Variants in CCDC88A observed in about 807,000 individuals in gnomAD.
The protein encoded by CCDC88A is girdin.
In CCDC88A, 54 loss-of-function variants were observed where a neutral mutation model predicts 234.3. The observed-to-expected ratio is 0.23, with a 90% CI of 0.19 to 0.29. The LOEUF (loss-of-function observed/expected upper bound fraction) is 0.29. CCDC88A is among the 10% of genes least tolerant of loss of function. The probability of loss-of-function intolerance (pLI) is 1.00; values close to 1 mark genes in which losing one functional copy is unlikely to be tolerated. For missense variants in CCDC88A, 1,832 were observed against 2,123.4 expected, an observed-to-expected ratio of 0.86 and a Z score of 2.70; for synonymous variants, 753 against 737.8, an observed-to-expected ratio of 1.02 and a Z score of -0.33.
chr2:55,301,211 A>T lies in CCDC88A; in HGVS notation c.4739T>A (p.Val1580Asp). 6.3e-7 allele frequency: 1 copy of T among 1,575,302 alleles called. No individual in the cohort carries two copies. Among genetic ancestry groups the T allele is most frequent in the Non-Finnish European group, 8.7e-7 (1 of 1,148,490 alleles). Residue 1580 changes from valine (V) to aspartate (D), a missense_variant, in exon 28 of 33, where the codon GTT becomes GAT. By Grantham distance (152) the Val-to-Asp change is radical. This residue lies in a region of CCDC88A where 422 missense variants were observed against 416.5 expected (regional missense o/e 1.01). Transcript: ENST00000436346. ...VSDDSSTGSR[V>D]HASRPASLDS... Reference sequence around the variant, plus strand: ...AATAAGGTTCATTATCTTACCATGAACTCTTGATCCCGTACTAGAATCATC... The same window carrying T: ...AATAAGGTTCATTATCTTACCATGATCTCTTGATCCCGTACTAGAATCATC...
At chr2:55,329,686 G>C (rs570649498) in intron 16 of CCDC88A, 2 of 152,160 alleles carry the variant, frequency 1.3e-5, no homozygotes, top group Non-Finnish European at 2.9e-5. Context: ...CAACCATATT[G>C]AAAGAGAAGA....
At position 55,411,798 on chromosome 2, in the gene CCDC88A, A is replaced by AAAAAC. The variant is rs1680540833; in HGVS notation, c.164+7017_164+7018insGTTTT. 8.5e-4 allele frequency among the ~76,000 whole-genome samples: 103 copies of AAAAAC among 120,544 alleles called. 5 individuals carry two copies. Among genetic ancestry groups the AAAAAC allele is most frequent in the African/African-American group, 9.5e-4 (30 of 31,434 alleles). The allele number at this position is 120,544 out of a possible 152,430, so 79.1% of individuals were successfully genotyped here. The stretch of plus-strand genomic sequence containing the variant: ...CCGTCTCAAAAAAAAAAAAAAAAAA[A>AAAAAC]AAAAACTCAACATATTGGACAGGAA... On this transcript the variant is annotated intron_variant, in intron 2 of 32. Transcript: ENST00000436346.
intron 17 of CCDC88A, among the ~76,000 whole-genome samples, chr2:55,325,703 G>A (rs765039455): frequency 3.3e-5 from 5 of 152,320 alleles, no homozygotes; most frequent in South Asian, 4.1e-4. Flanking sequence ...ATTGAGAGAT[G>A]AGTATTGAAC....
chr2:55,395,829 T>C (rs749622321), intron 2 of CCDC88A, among the ~76,000 whole-genome samples: 5 of 152,192 alleles, frequency 3.3e-5, no homozygotes, highest in Non-Finnish European at 7.3e-5. Context: ...TTTATGCTTA[T>C]TGCAAGAAAA....
intron 5 of CCDC88A, among the ~76,000 whole-genome samples, chr2:55,364,678 T>C (rs934159732): frequency 6.6e-6 from 1 of 152,072 alleles, no homozygotes; most frequent in Non-Finnish European, 1.5e-5. Context: ...CGTAACCAAA[T>C]GGAATAAAGG....
chr2:55,411,291 A>AAT (rs1259346901), intron 2 of CCDC88A, among the ~76,000 whole-genome samples: 1 of 152,158 alleles, frequency 6.6e-6, no homozygotes, highest in Non-Finnish European at 1.5e-5. Flanking sequence ...AGTCTCCCAT[A>AAT]ATATATATTA....
chr2:55,355,523 T>G (rs1029695728), intron 8 of CCDC88A, 56 bp downstream of exon 8: 1 of 1,414,548 alleles, frequency 7.1e-7, no homozygotes, highest in Non-Finnish European at 1.0e-6. Context: ...AAAATATTGT[T>G]TAGGTCACCT....
chr2:55,407,595 ACT>A (rs1277327345), intron 2 of CCDC88A, among the ~76,000 whole-genome samples: 3 of 151,838 alleles, frequency 2.0e-5, no homozygotes, highest in Admixed American at 2.0e-4. Flanking sequence ...ACAGAGCAAG[ACT>A]CTGTCTCAAA....
At chr2:55,336,585 T>TA in intron 14 of CCDC88A, 96 bp downstream of exon 14, 1 of 734,832 alleles carries the variant, frequency 1.4e-6, no homozygotes, top group South Asian at 2.7e-5. Context: ...TATTTCCCTT[T>TA]AATGTTTATA....
rs369159312 is a variant in CCDC88A, at chr2:55,359,570, GC to G, written c.627+2737del. Among the ~76,000 whole-genome samples the G allele has an allele frequency of 6.5e-3, 983 of 150,536 alleles. 8 individuals are homozygous for G. Among genetic ancestry groups the G allele is most frequent in the African/African-American group, 0.022 (892 of 41,134 alleles). The stretch of plus-strand genomic sequence containing the variant: ...TTTTAAAGCATAACGAATTTCGTAT[GC>G]CCCCCCATTCCTGTAGCATATATAT... On this transcript the variant is annotated intron_variant, in intron 7 of 32. Coordinates refer to ENST00000436346, the MANE Select transcript of CCDC88A (RefSeq NM_001365480.1).
At position 55,401,462 on chromosome 2, in the gene CCDC88A, A is replaced by G. The variant is rs1262085981; in HGVS notation, c.165-12576T>C. Among the ~76,000 whole-genome samples the G allele has an allele frequency of 8.3e-4, 16 of 19,232 alleles. 4 individuals are homozygous for G. The highest frequency in any genetic ancestry group is 4.8e-3 in the Admixed American group (4 of 840). The allele number at this position is 19,232 out of a possible 152,430, so 12.6% of individuals were successfully genotyped here. A position where few individuals can be genotyped will look rare whatever the true frequency, so the allele number is the denominator to read the frequency against. On this transcript the variant is annotated intron_variant, in intron 2 of 32. Coordinates refer to ENST00000436346, the MANE Select transcript of CCDC88A (RefSeq NM_001365480.1). ...AAAAAAAAAAAATATATATATATAT[A>G]TATACATATGTGTGTGTATGTATGT...
chr2:55,307,697 C>A (rs1412623550), intron 25 of CCDC88A, among the ~76,000 whole-genome samples: 5 of 150,078 alleles, frequency 3.3e-5, no homozygotes, highest in African/African-American at 1.0e-4. Flanking sequence ...CTATGTTGCC[C>A]AGGCTGGTCT....
chr2:55,338,293 A>G (rs1406282627), intron 13 of CCDC88A, among the ~76,000 whole-genome samples: 7 of 152,200 alleles, frequency 4.6e-5, no homozygotes, highest in African/African-American at 1.7e-4. Context: ...AGACAATGTA[A>G]AAACATTTTT....
At chr2:55,414,512 G>C (rs1362840954) in intron 2 of CCDC88A, among the ~76,000 whole-genome samples, 1 of 152,150 alleles carries the variant, frequency 6.6e-6, no homozygotes, top group Non-Finnish European at 1.5e-5. Flanking sequence ...AGTTTAAGAC[G>C]ATTGAAGTCA....
chr2:55,328,315 T>A lies in CCDC88A; in HGVS notation c.2976A>T (p.Gln992His). Residue 992 changes from glutamine to histidine, a missense_variant, in exon 17 of 33, where the codon CAA (glutamine) becomes CAT (histidine). This residue lies in a region of CCDC88A where 1,282 missense variants were observed against 1,543.6 expected (regional missense o/e 0.83). Transcript: ENST00000436346. This position sits in a 1 kb window ranked among gnomAD's most constrained non-coding sequence, Gnocchi z 4.3. ...RLEESTNYNQ[Q>H]LRQELKTVKK... ...TTACTGTTTTAAGTTCTTGGCGCAA[T>A]TGCTGGTTATAATTCGTGGATTCTT... The A allele has an allele frequency of 6.3e-7, 1 of 1,594,530 alleles. No individual in the cohort carries two copies.
intron 4 of CCDC88A, among the ~76,000 whole-genome samples, chr2:55,373,599 T>A (rs1673160258): frequency 6.6e-6 from 1 of 152,190 alleles, no homozygotes; most frequent in African/African-American, 2.4e-5. Context: ...CATAAGAGCT[T>A]CTAGAACATA....
Position 55,334,404 on chromosome 2 carries a change from G to C in CCDC88A, c.2417C>G (p.Ser806Cys). Residue 806 changes from serine (S) to cysteine (C), a missense_variant, in exon 15 of 33, where the codon TCT becomes TGT. By Grantham distance (112) the Ser-to-Cys change is moderately radical. Coordinates refer to ENST00000436346, the MANE Select transcript of CCDC88A (RefSeq NM_001365480.1). This position sits in a 1 kb window ranked among gnomAD's most constrained non-coding sequence, Gnocchi z 6.1. ...TTCCAGCTGTTCTAGTCTTTTGCTA[G>C]ATATTTTTAGTTCTTCTAGGTTTTT... is the stretch of plus-strand genomic sequence containing the variant. ...LQKNLEELKI[S>C]SKRLEQLEKE... The C allele has an allele frequency of 2.5e-6, 4 of 1,579,892 alleles. No homozygotes were observed. Among genetic ancestry groups the C allele is most frequent in the South Asian group, 1.2e-5 (1 of 84,086 alleles).
At chr2:55,383,801 T>C (rs546585432) in intron 3 of CCDC88A, among the ~76,000 whole-genome samples, 1 of 152,282 alleles carries the variant, frequency 6.6e-6, no homozygotes, top group Admixed American at 6.5e-5. Context: ...TCCATTGATT[T>C]GGAAAATATT....
chr2:55,346,172 T>A lies in CCDC88A; in HGVS notation c.1041+3A>T. ...ATCATGAATGGTTAATTATGCAACATACCTCAACTCTTGCCTTATAAAATT... is the reference window on the plus strand; with the variant it reads ...ATCATGAATGGTTAATTATGCAACAAACCTCAACTCTTGCCTTATAAAATT... On this transcript the variant is annotated splice_donor_region_variant and intron_variant, in intron 10 of 32. Transcript: ENST00000436346. 1 of 1,588,796 alleles carries A rather than the reference T, an allele frequency of 6.3e-7. No homozygotes were observed. Among genetic ancestry groups the A allele is most frequent in the Non-Finnish European group, 8.6e-7 (1 of 1,166,746 alleles).
Sources: allele counts gnomAD v4.1 joint callset (sites outside exome capture counted in the v4.1 genomes callset), GRCh38; gene constraint gnomAD v4.1.1; regional missense constraint gnomAD v4.1.1; non-coding constraint Gnocchi (gnomAD v3.1); transcripts MANE v1.5; gene names NCBI Gene and HGNC (gene_info 2026-07-23, HGNC 2026-07-21).